Variants in TIGD1 observed in about 807,000 individuals in gnomAD.
The protein encoded by TIGD1 is tigger transposable element-derived protein 1.
A neutral mutation model predicts 21.3 loss-of-function variants in TIGD1; 20 were observed. The observed-to-expected ratio is 0.94, with a 90% CI of 0.66 to 1.36. The LOEUF (loss-of-function observed/expected upper bound fraction) is 1.36. Among genes scored for constraint, TIGD1 ranks in the 40% most tolerant of loss-of-function variants. The pLI is 0.00. For missense variants in TIGD1, 556 were observed against 350.5 expected (o/e 1.59, Z -4.68); for synonymous variants, 177 against 123.2 (o/e 1.44, Z -2.89).
In TIGD1 at chr2:232,547,621, T is replaced by C. The variant is rs906095947; in HGVS notation, c.*486A>G. 6.6e-6 allele frequency among the ~76,000 whole-genome samples: 1 copy of C among 152,140 alleles called. No individual in the cohort carries two copies. The highest frequency in any genetic ancestry group is 1.5e-5 in the Non-Finnish European group (1 of 68,020). On this transcript the variant is annotated 3_prime_UTR_variant, in exon 1 of 1. Transcript: ENST00000408957. ...CTGTGTCTGTGCATGCACAGTGTGTTTGAAGCAAGAGCAGAGTCAGAGCTA... is the reference window on the plus strand; with the variant it reads ...CTGTGTCTGTGCATGCACAGTGTGTCTGAAGCAAGAGCAGAGTCAGAGCTA...
chr2:232,550,361 T>C lies in TIGD1; in HGVS notation c.-479A>G, dbSNP rs145034494. 5.9e-4 allele frequency: 247 copies of C among 420,668 alleles called. 2 individuals carry two copies. The East Asian group carries it at 0.011, about 19-fold the overall frequency. 26.1% of individuals were successfully genotyped at this position (420,668 alleles called of 1,614,324 possible). On this transcript the variant is annotated 5_prime_UTR_variant, in exon 1 of 1. Coordinates refer to ENST00000408957, the MANE Select transcript of TIGD1 (RefSeq NM_145702.4). ...AGATACCAGAGAGTGCGTCCCGCAC[T>C]GGAGGAAGAGGAAGGTTTTTACCAA... is the stretch of plus-strand genomic sequence containing the variant.
In TIGD1 at chr2:232,544,233, A is replaced by G; in HGVS notation, c.*3874T>C. On this transcript the variant is annotated 3_prime_UTR_variant, in exon 1 of 1. Coordinates refer to ENST00000408957, the MANE Select transcript of TIGD1 (RefSeq NM_145702.4). ...ACCCAGGCTCGTGTCCAGTATAGAAAGCTTTACCAAGGCCACGTCACTGCC... is the reference window on the plus strand; with the variant it reads ...ACCCAGGCTCGTGTCCAGTATAGAAGGCTTTACCAAGGCCACGTCACTGCC... The G allele has an allele frequency of 3.9e-6, 3 of 769,656 alleles. No homozygotes were observed. In the South Asian group the frequency reaches 4.1e-5, roughly 11 times the overall value. 47.7% of individuals were successfully genotyped at this position (769,656 alleles called of 1,614,324 possible).
At position 232,544,560 on chromosome 2, in the gene TIGD1, C is replaced by G. The variant is rs760940301; in HGVS notation, c.*3547G>C. Reference sequence around the variant, plus strand: ...CAGTGGCAGCGGCAAGGGCTGGTGGCGGCAGCGCTGGAGAAGCTAGGTGAG... The same window carrying G: ...CAGTGGCAGCGGCAAGGGCTGGTGGGGGCAGCGCTGGAGAAGCTAGGTGAG... On this transcript the variant is annotated 3_prime_UTR_variant, in exon 1 of 1. Coordinates refer to ENST00000408957, the MANE Select transcript of TIGD1 (RefSeq NM_145702.4). 1 of 1,613,162 alleles carries G rather than the reference C, an allele frequency of 6.2e-7. No homozygotes were observed. Among genetic ancestry groups the G allele is most frequent in the Non-Finnish European group, 8.5e-7 (1 of 1,179,706 alleles).
chr2:232,549,003 G>T lies in TIGD1; in HGVS notation c.880C>A (p.Pro294Thr), dbSNP rs1334692997. The change falls in exon 1 of 1, where the codon CCT becomes ACT. Residue 294 changes from proline to threonine, a missense_variant. Coordinates refer to ENST00000408957, the MANE Select transcript of TIGD1 (RefSeq NM_145702.4). ...TCAATGAGCAGTAATATTTTGAAAG[G>T]AATCTTCTTTTCTGAGCAGTAGGTC... ...VETYCSEKKI[P>T]FKILLLIDNA... 5.7e-6 allele frequency: 4 copies of T among 702,128 alleles called. No individual in the cohort carries two copies. The highest frequency in any genetic ancestry group is 1.5e-5 in the South Asian group (1 of 65,254). 43.5% of individuals were successfully genotyped at this position (702,128 alleles called of 1,614,324 possible).
At position 232,544,602 on chromosome 2, in the gene TIGD1, TG is replaced by T. The variant is rs760472965; in HGVS notation, c.*3504del. 2.1e-5 allele frequency: 34 copies of T among 1,600,200 alleles called. No homozygotes were observed. The highest frequency in any genetic ancestry group is 2.8e-5 in the Non-Finnish European group (33 of 1,168,730). On this transcript the variant is annotated 3_prime_UTR_variant, in exon 1 of 1. Coordinates refer to ENST00000408957, the MANE Select transcript of TIGD1 (RefSeq NM_145702.4). Reference sequence around the variant, plus strand: ...CTAGGTGAGACACACCAGGTGTGCCTGGGGACAGTCCTCCCCTGGGACCCCA... The same window carrying T: ...CTAGGTGAGACACACCAGGTGTGCCTGGGACAGTCCTCCCCTGGGACCCCA...
At position 232,549,837 on chromosome 2, in the gene TIGD1, T is replaced by C; in HGVS notation, c.46A>G (p.Thr16Ala). 3.2e-6 allele frequency: 5 copies of C among 1,538,482 alleles called. No individual in the cohort carries two copies. The highest frequency in any genetic ancestry group is 3.5e-6 in the Non-Finnish European group (4 of 1,140,846). ...SSERKSRTSL[T>A]LNQKLEMIKL... ...ATCATTTCTAGTTTTTGATTTAAAG[T>C]GAGAGATGTGCGACTCTTCCTTTCA... The change falls in exon 1 of 1, where the codon ACT becomes GCT. Residue 16 changes from threonine (T) to alanine (A), a missense_variant. Transcript: ENST00000408957.
At position 232,548,117 on chromosome 2, in the gene TIGD1, C is replaced by G; in HGVS notation, c.1766G>C (p.Gly589Ala). The change falls in exon 1 of 1, where the codon GGC becomes GCC. Residue 589 changes from glycine (G) to alanine (A), a missense_variant. Coordinates refer to ENST00000408957, the MANE Select transcript of TIGD1 (RefSeq NM_145702.4). ...AAAAAATGCTGATTATCAATCTGAG[C>G]CTTCGGTGAGTCGTACTCTTTTTGC... ...PPAKRVRLTEGSD is the reference protein window; with the variant it reads ...PPAKRVRLTEASD 1 of 765,746 alleles carries G rather than the reference C, an allele frequency of 1.3e-6. No individual in the cohort carries two copies. Among genetic ancestry groups the G allele is most frequent in the Non-Finnish European group, 2.0e-6 (1 of 493,756 alleles). The allele number at this position is 765,746 out of a possible 1,614,324, so 47.4% of individuals were successfully genotyped here.
At position 232,548,724 on chromosome 2, in the gene TIGD1, T is replaced by C. The variant is rs1244120471; in HGVS notation, c.1159A>G (p.Ile387Val). Reference protein sequence around the residue: ...GFTILDAIKNIRDSWEEVKLS... With the variant: ...GFTILDAIKNVRDSWEEVKLS... ...TTGACCTCCTCCCATGAATCACGAA[T>C]GTTTTTAATGGCATCTAAAATGGTG... The change falls in exon 1 of 1, where the codon ATT becomes GTT. Residue 387 changes from isoleucine (I) to valine (V), a missense_variant. Coordinates refer to ENST00000408957, the MANE Select transcript of TIGD1 (RefSeq NM_145702.4). 2 of 498,998 alleles carry C rather than the reference T, an allele frequency of 4.0e-6. No individual in the cohort carries two copies. The highest frequency in any genetic ancestry group is 3.8e-6 in the Non-Finnish European group (1 of 259,900). The allele number at this position is 498,998 out of a possible 1,614,324, so 30.9% of individuals were successfully genotyped here. A position where few individuals can be genotyped will look rare whatever the true frequency, so the allele number is the denominator to read the frequency against.
rs1218919801 is a variant in TIGD1, at chr2:232,546,010, A to G, written c.*2097T>C. ...CAGTGCACTCCCCTCACTTAGGCAA[A>G]GCATTATTCATTCCCATCAGTCTGA... On this transcript the variant is annotated 3_prime_UTR_variant, in exon 1 of 1. Coordinates refer to ENST00000408957, the MANE Select transcript of TIGD1 (RefSeq NM_145702.4). The G allele has an allele frequency of 3.2e-5, 17 of 526,590 alleles. No individual in the cohort carries two copies. The highest frequency in any genetic ancestry group is 5.5e-5 in the Non-Finnish European group (16 of 288,830). 32.6% of individuals were successfully genotyped at this position (526,590 alleles called of 1,614,324 possible). A position where few individuals can be genotyped will look rare whatever the true frequency, so the allele number is the denominator to read the frequency against.
rs150928642 is a variant in TIGD1, at chr2:232,544,430, G to C, written c.*3677C>G. On this transcript the variant is annotated 3_prime_UTR_variant, in exon 1 of 1. Coordinates refer to ENST00000408957, the MANE Select transcript of TIGD1 (RefSeq NM_145702.4). Reference sequence around the variant, plus strand: ...CGTTCGCCCGCTGGCCCCGGCAGCTGTGCAGGACACCCAGTCCCGGCTACA... The same window carrying C: ...CGTTCGCCCGCTGGCCCCGGCAGCTCTGCAGGACACCCAGTCCCGGCTACA... The C allele has an allele frequency of 8.7e-6, 14 of 1,613,538 alleles. No individual in the cohort carries two copies. In the African/African-American group the frequency reaches 1.7e-4, roughly 20 times the overall value.
chr2:232,545,579 G>C lies in TIGD1; in HGVS notation c.*2528C>G. 6.2e-7 allele frequency: 1 copy of C among 1,614,012 alleles called. No individual in the cohort carries two copies. The highest frequency in any genetic ancestry group is 1.1e-5 in the South Asian group (1 of 91,072). ...GTGGTTCCTGGTGGGCCGAGTGCTG[G>C]ACCGCGTCTGCTTCCTGGCCATGCT... On this transcript the variant is annotated 3_prime_UTR_variant, in exon 1 of 1. Coordinates refer to ENST00000408957, the MANE Select transcript of TIGD1 (RefSeq NM_145702.4).
rs1244814016 is a variant in TIGD1 at position 232,548,898 on chromosome 2, ATGTTG to A, written c.980_984del (p.Thr327IlefsTer25). ...CCTTGATCCATGGGCTGCAGAATGG[ATGTTG>A]TGTTAGCAGGCATGAAAATAACATT... On this transcript the variant is annotated frameshift_variant, in exon 1 of 1. Coordinates refer to ENST00000408957, the MANE Select transcript of TIGD1 (RefSeq NM_145702.4). LOFTEE classifies it high-confidence loss of function. 5 of 656,738 alleles carry A rather than the reference ATGTTG, an allele frequency of 7.6e-6. No homozygotes were observed. The highest frequency in any genetic ancestry group is 1.4e-5 in the Non-Finnish European group (5 of 360,222). 40.7% of individuals were successfully genotyped at this position (656,738 alleles called of 1,614,324 possible). A position where few individuals can be genotyped will look rare whatever the true frequency, so the allele number is the denominator to read the frequency against.
chr2:232,550,033 A>G lies in TIGD1; in HGVS notation c.-151T>C, dbSNP rs1692247730. On this transcript the variant is annotated 5_prime_UTR_variant, in exon 1 of 1. Coordinates refer to ENST00000408957, the MANE Select transcript of TIGD1 (RefSeq NM_145702.4). Reference sequence around the variant, plus strand: ...TTCCACGTCTTATAAAAGACGCTGTATGTGGCACCCCAAAACAATGACAAT... The same window carrying G: ...TTCCACGTCTTATAAAAGACGCTGTGTGTGGCACCCCAAAACAATGACAAT... 3.9e-6 allele frequency: 2 copies of G among 509,614 alleles called. No individual in the cohort carries two copies. Among genetic ancestry groups the G allele is most frequent in the Non-Finnish European group, 7.1e-6 (2 of 283,176 alleles). The allele number at this position is 509,614 out of a possible 1,614,324, so 31.6% of individuals were successfully genotyped here. A position where few individuals can be genotyped will look rare whatever the true frequency, so the allele number is the denominator to read the frequency against.
At position 232,548,981 on chromosome 2, in the gene TIGD1, A is replaced by G. The variant is rs1009832730; in HGVS notation, c.902T>C (p.Ile301Thr). The change falls in exon 1 of 1, where the codon ATT (isoleucine) becomes ACT (threonine). Residue 301 changes from isoleucine to threonine, a missense_variant. Ile to Thr is a moderately conservative substitution (Grantham distance 89). Transcript: ENST00000408957. Reference protein sequence around the residue: ...KKIPFKILLLIDNAPSHPRAL... With the variant: ...KKIPFKILLLTDNAPSHPRAL... ...TCTTGGATGACTAGGGGCATTGTCA[A>G]TGAGCAGTAATATTTTGAAAGGAAT... is the stretch of plus-strand genomic sequence containing the variant. 4 of 695,134 alleles carry G rather than the reference A, an allele frequency of 5.8e-6. No individual in the cohort carries two copies. The highest frequency in any genetic ancestry group is 1.5e-5 in the South Asian group (1 of 66,132). 43.1% of individuals were successfully genotyped at this position (695,134 alleles called of 1,614,324 possible). A position where few individuals can be genotyped will look rare whatever the true frequency, so the allele number is the denominator to read the frequency against.
chr2:232,544,240 C>T lies in TIGD1; in HGVS notation c.*3867G>A, dbSNP rs1692077736. 3.8e-6 allele frequency: 3 copies of T among 794,724 alleles called. No individual in the cohort carries two copies. In the South Asian group the frequency reaches 4.1e-5, roughly 11 times the overall value. The allele number at this position is 794,724 out of a possible 1,614,324, so 49.2% of individuals were successfully genotyped here. A position where few individuals can be genotyped will look rare whatever the true frequency, so the allele number is the denominator to read the frequency against. On this transcript the variant is annotated 3_prime_UTR_variant, in exon 1 of 1. Coordinates refer to ENST00000408957, the MANE Select transcript of TIGD1 (RefSeq NM_145702.4). ...CTCGTGTCCAGTATAGAAAGCTTTACCAAGGCCACGTCACTGCCCCGGTAT... is the reference window on the plus strand; with the variant it reads ...CTCGTGTCCAGTATAGAAAGCTTTATCAAGGCCACGTCACTGCCCCGGTAT...
rs1559307940 is a variant in TIGD1, at chr2:232,549,019, G to A, written c.864C>T (p.Cys288=). Residue 288 remains cysteine, a synonymous_variant, in exon 1 of 1, where the codon TGC becomes TGT. Transcript: ENST00000408957. ...TTTTGAAAGGAATCTTCTTTTCTGAGCAGTAGGTCTCAACAGTGGGTTTAA... is the reference window on the plus strand; with the variant it reads ...TTTTGAAAGGAATCTTCTTTTCTGAACAGTAGGTCTCAACAGTGGGTTTAA... The part of the protein sequence containing the change: ...EYFKPTVETY[C]SEKKIPFKIL... 8.5e-6 allele frequency: 6 copies of A among 705,934 alleles called. No individual in the cohort carries two copies. The highest frequency in any genetic ancestry group is 1.6e-5 in the Non-Finnish European group (6 of 382,234). The allele number at this position is 705,934 out of a possible 1,614,324, so 43.7% of individuals were successfully genotyped here. A position where few individuals can be genotyped will look rare whatever the true frequency, so the allele number is the denominator to read the frequency against.
Position 232,548,173 on chromosome 2 carries a change from T to C in TIGD1, c.1710A>G (p.Gln570=), listed in dbSNP as rs956171373. 1.0e-5 allele frequency: 15 copies of C among 1,481,958 alleles called. No homozygotes were observed. The highest frequency in any genetic ancestry group is 1.4e-5 in the African/African-American group (1 of 71,566). The allele number at this position is 1,481,958 out of a possible 1,614,324, so 91.8% of individuals were successfully genotyped here. A position where few individuals can be genotyped will look rare whatever the true frequency, so the allele number is the denominator to read the frequency against. The change falls in exon 1 of 1, where the codon CAA becomes CAG. Residue 570 remains glutamine (Q), a synonymous_variant. Transcript: ENST00000408957. ...GAGGGTCTTGCCTCGAGGTTGATGGTTGCTGACTGGTCAGGGTGGTGGCTG... is the reference window on the plus strand; with the variant it reads ...GAGGGTCTTGCCTCGAGGTTGATGGCTGCTGACTGGTCAGGGTGGTGGCTG... ...PSAATTLTSQ[Q]PSTSRQDPPP...
rs1692107338 is a variant in TIGD1, at chr2:232,545,381, C to G, written c.*2726G>C. On this transcript the variant is annotated 3_prime_UTR_variant, in exon 1 of 1. Coordinates refer to ENST00000408957, the MANE Select transcript of TIGD1 (RefSeq NM_145702.4). ...CAGGGGCAGGGGGGGCACCTCAGGG[C>G]CAGGGGGCCATGGAATTAGCCACCA... Among the ~76,000 whole-genome samples the G allele has an allele frequency of 6.6e-6, 1 of 151,778 alleles. No homozygotes were observed. Among genetic ancestry groups the G allele is most frequent in the Non-Finnish European group, 1.5e-5 (1 of 67,946 alleles).
At position 232,544,396 on chromosome 2, in the gene TIGD1, G is replaced by A; in HGVS notation, c.*3711C>T. 2 of 1,613,488 alleles carry A rather than the reference G, an allele frequency of 1.2e-6. No homozygotes were observed. The highest frequency in any genetic ancestry group is 1.7e-6 in the Non-Finnish European group (2 of 1,180,020). On this transcript the variant is annotated 3_prime_UTR_variant, in exon 1 of 1. Transcript: ENST00000408957. The stretch of plus-strand genomic sequence containing the variant: ...TCCTGAGGCTCTTGCCCCAGCTGCT[G>A]AGGATGCACGTTCGCCCGCTGGCCC...
Sources: gnomAD v4.1 joint callset for allele counts (sites outside exome capture counted in the v4.1 genomes callset) on GRCh38, gnomAD v4.1.1 for gene constraint, MANE v1.5 for transcripts, NCBI Gene and HGNC (gene_info 2026-07-23, HGNC 2026-07-21) for gene names.